The following AXL variants were observed in gnomAD, a reference collection of about 807,000 sequenced individuals.
AXL encodes the protein tyrosine-protein kinase receptor UFO.
A neutral mutation model predicts 104.5 loss-of-function variants in AXL; 52 were observed. The ratio of observed to expected loss-of-function variants is 0.50; its 90% CI spans 0.40 to 0.63. The LOEUF (loss-of-function observed/expected upper bound fraction) is 0.63, where lower values mean the gene tolerates loss of function less well. Among genes scored for constraint, AXL ranks in the 20% least tolerant of loss-of-function variants. The pLI is 0.00. For synonymous variants in AXL, 455 were observed against 473.7 expected, an observed-to-expected ratio of 0.96 and a Z score of 0.51; for missense variants, 1,024 against 1,188.5, an observed-to-expected ratio of 0.86 and a Z score of 2.04.
chr19:41,249,219 G>A (rs1271487569), intron 14 of AXL, among the ~76,000 whole-genome samples: 1 of 151,496 alleles, frequency 6.6e-6, no homozygotes, highest in East Asian at 2.0e-4. Flanking sequence ...GCAGCAGATC[G>A]CTTGAGTCCA....
At chr19:41,247,128 C>T (rs2034284627) in intron 12 of AXL, among the ~76,000 whole-genome samples, 2 of 152,148 alleles carry the variant, frequency 1.3e-5, no homozygotes, top group South Asian at 2.1e-4. Flanking sequence ...TCGATTGTAA[C>T]AGAAATCAAG....
chr19:41,237,878 G>A (rs1243886447), intron 6 of AXL, 66 bp from the exon 7 acceptor site: 2 of 1,466,148 alleles, frequency 1.4e-6, no homozygotes, highest in Non-Finnish European at 1.9e-6. Context: ...ACCACCACTG[G>A]GAGCTGTGTG....
At chr19:41,227,238 G>C (rs1190733295) in intron 4 of AXL, among the ~76,000 whole-genome samples, 1 of 151,900 alleles carries the variant, frequency 6.6e-6, no homozygotes, top group Non-Finnish European at 1.5e-5. Flanking sequence ...CGTTCTCTAA[G>C]AGCCCCCACA....
At chr19:41,256,764 G>A (rs114162261) in intron 18 of AXL, among the ~76,000 whole-genome samples, 153 bp downstream of exon 18, 1 of 152,102 alleles carries the variant, frequency 6.6e-6, no homozygotes, top group African/African-American at 2.4e-5. Flanking sequence ...ATGTCTTGGG[G>A]TATGGTGGGC....
At chr19:41,226,147 C>A (rs916889459) in intron 4 of AXL, among the ~76,000 whole-genome samples, 1 of 152,204 alleles carries the variant, frequency 6.6e-6, no homozygotes, top group African/African-American at 2.4e-5. Context: ...TGGCTCCGCG[C>A]CCCCGAAGCC....
chr19:41,239,585 G>A (rs2034145130), intron 9 of AXL, 109 bp from the exon 10 acceptor site: 5 of 1,353,448 alleles, frequency 3.7e-6, no homozygotes, highest in Admixed American at 1.9e-5. Flanking sequence ...TCCCTTACTC[G>A]TGCCACACCC....
chr19:41,239,427 G>A (rs1332228371), intron 9 of AXL, 113 bp downstream of exon 9: 9 of 1,442,024 alleles, frequency 6.2e-6, no homozygotes, highest in Non-Finnish European at 8.4e-6. Context: ...CCTACCCTGA[G>A]CCTTACTGAG....
chr19:41,220,313 C>T (rs956142354), intron 1 of AXL: 32 of 262,890 alleles, frequency 1.2e-4, no homozygotes, highest in Admixed American at 4.0e-4. Context: ...AGCACCAGCG[C>T]GACCTGTTAA....
intron 17 of AXL, among the ~76,000 whole-genome samples, chr19:41,254,087 A>G (rs2034413594): frequency 6.6e-6 from 1 of 151,442 alleles, no homozygotes; most frequent in South Asian, 2.1e-4. Context: ...AGAAAATCAA[A>G]CTCCCCACCA....
At chr19:41,254,238 T>C (rs2034416347) in intron 17 of AXL, among the ~76,000 whole-genome samples, 1 of 149,972 alleles carries the variant, frequency 6.7e-6, no homozygotes, top group Admixed American at 6.6e-5. Flanking sequence ...CTACTAAAAG[T>C]ACAAAATTCA....
chr19:41,253,735 C>CG, intron 17 of AXL, 27 bp downstream of exon 17: 1 of 1,529,844 alleles, frequency 6.5e-7, no homozygotes, highest in Non-Finnish European at 9.0e-7. Context: ...GACCCCCCCC[C>CG]CCCAACTGCT....
Position 41,253,626 on chromosome 19 carries a change from T to C in AXL, c.1954T>C (p.Phe652Leu), listed in dbSNP as rs774724394. The stretch of plus-strand genomic sequence containing the variant: ...CCTGCCCACTCAGATGCTAGTGAAG[T>C]TCATGGCAGACATCGCCAGTGGCAT... ...VYLPTQMLVK[F>L]MADIASGMEY... Residue 652 changes from phenylalanine to leucine, a missense_variant, in exon 17 of 20, where the codon TTC (phenylalanine) becomes CTC (leucine). Coordinates refer to ENST00000301178, the MANE Select transcript of AXL (RefSeq NM_021913.5). 2 of 1,613,670 alleles carry C rather than the reference T, an allele frequency of 1.2e-6. No individual in the cohort carries two copies. Among genetic ancestry groups the C allele is most frequent in the African/African-American group, 2.7e-5 (2 of 74,852 alleles).
chr19:41,223,966 T>C (rs2033836404), intron 4 of AXL, among the ~76,000 whole-genome samples: 1 of 136,082 alleles, frequency 7.3e-6, no homozygotes, highest in South Asian at 2.1e-4. Flanking sequence ...ATGTCCCATG[T>C]GTGGTGTGTG....
chr19:41,227,186 A>G (rs1459859054), intron 4 of AXL, among the ~76,000 whole-genome samples: 1 of 152,046 alleles, frequency 6.6e-6, no homozygotes, highest in Admixed American at 6.6e-5. Context: ...CTATGTTTCT[A>G]CGTGTATCTG....
At chr19:41,243,097 A>C in intron 11 of AXL, 82 bp downstream of exon 11, 8 of 1,584,834 alleles carry the variant, frequency 5.0e-6, no homozygotes, top group Non-Finnish European at 6.9e-6. Flanking sequence ...AGGCTGGTGC[A>C]GGAGGAGTGA....
At chr19:41,233,705 C>A (rs377333768) in intron 6 of AXL, among the ~76,000 whole-genome samples, 1 of 147,454 alleles carries the variant, frequency 6.8e-6, no homozygotes, top group Non-Finnish European at 1.5e-5. Flanking sequence ...CAGAGAGGGG[C>A]CCCCTCTCTG....
At chr19:41,249,001 C>T (rs1260089124) in intron 14 of AXL, among the ~76,000 whole-genome samples, 181 bp downstream of exon 14, 2 of 152,024 alleles carry the variant, frequency 1.3e-5, no homozygotes, top group East Asian at 1.9e-4. Context: ...AGGTGGGAGA[C>T]GGGTTGAAGG....
chr19:41,254,040 G>A (rs577576716), intron 17 of AXL, among the ~76,000 whole-genome samples: 7 of 151,882 alleles, frequency 4.6e-5, no homozygotes, highest in Non-Finnish European at 1.0e-4. Context: ...TGGGTGTCTT[G>A]CCTGGGGCTG....
intron 4 of AXL, among the ~76,000 whole-genome samples, chr19:41,225,645 T>G (rs754557471): frequency 6.6e-6 from 1 of 152,230 alleles, no homozygotes; most frequent in African/African-American, 2.4e-5. Context: ...CACGTTGGCT[T>G]GTATGCATAC....
Sources: allele counts gnomAD v4.1 joint callset (sites outside exome capture counted in the v4.1 genomes callset), GRCh38; gene constraint gnomAD v4.1.1; transcripts MANE v1.5; gene names NCBI Gene and HGNC (gene_info 2026-07-23, HGNC 2026-07-21).